The following BUB1B variants were observed in gnomAD, a reference collection of about 807,000 sequenced individuals.
The protein encoded by BUB1B is BUB1 mitotic checkpoint serine/threonine kinase B, also known as mitotic checkpoint serine/threonine-protein kinase BUB1 beta.
BUB1B carries 86 observed loss-of-function variants against 137.7 expected under a neutral mutation model. The ratio of observed to expected loss-of-function variants is 0.62; its 90% confidence interval spans 0.52 to 0.75. BUB1B has a LOEUF of 0.75. Ranked by LOEUF, BUB1B falls within the 30% of genes least tolerant of loss-of-function variation. BUB1B has a pLI of 0.00. For synonymous variants in BUB1B, 420 were observed against 417.9 expected, an observed-to-expected ratio of 1.00 and a Z score of -0.06; for missense variants, 1,130 against 1,236.9, an observed-to-expected ratio of 0.91 and a Z score of 1.30.
At chr15:40,200,616 A>G (rs192809546) in intron 11 of BUB1B, among the ~76,000 whole-genome samples, 548 of 152,324 alleles carry the variant, frequency 3.6e-3, no homozygotes, top group Non-Finnish European at 5.5e-3. Flanking sequence ...TTCTACCACT[A>G]AGAGATGATT....
intron 4 of BUB1B, among the ~76,000 whole-genome samples, chr15:40,175,353 C>T (rs1400324499): frequency 1.3e-5 from 2 of 151,946 alleles, no homozygotes; most frequent in African/African-American, 2.4e-5. Context: ...GCTATGATTG[C>T]GTCACTGCAG....
intron 12 of BUB1B, among the ~76,000 whole-genome samples, chr15:40,201,614 G>A (rs945543748): frequency 7.9e-5 from 12 of 151,998 alleles, no homozygotes; most frequent in Admixed American, 5.9e-4. Context: ...CACAGTATAC[G>A]GATCTTAACT....
In BUB1B at chr15:40,196,590, C is replaced by A; in HGVS notation, c.1104C>A (p.Thr368=). 1.2e-6 allele frequency: 2 copies of A among 1,613,842 alleles called. No homozygotes were observed. The highest frequency in any genetic ancestry group is 2.2e-5 in the South Asian group (2 of 91,066). Residue 368 remains threonine, a synonymous_variant, in exon 9 of 23, where the codon ACC becomes ACA. Transcript: ENST00000287598. ...CTAGTATAAACCACATCCTAAGCACCAGAAAGCCTGGAAAGGAAGAAGGAG... is the reference window on the plus strand; with the variant it reads ...CTAGTATAAACCACATCCTAAGCACAAGAAAGCCTGGAAAGGAAGAAGGAG... ...IEPSINHILS[T]RKPGKEEGDP...
intron 2 of BUB1B, among the ~76,000 whole-genome samples, chr15:40,168,290 C>T (rs1261331807): frequency 6.6e-6 from 1 of 151,892 alleles, no homozygotes; most frequent in Non-Finnish European, 1.5e-5. Context: ...TCACTTGAAC[C>T]TAGGAGGTGG....
rs769951989 is a variant in BUB1B at position 40,200,990 on chromosome 15, A to G, written c.1567+10A>G. On this transcript the variant is annotated intron_variant, in intron 12 of 22. Coordinates refer to ENST00000287598, the MANE Select transcript of BUB1B (RefSeq NM_001211.6). ...CAACCTCATTCTAAAGGTGAGTTGT[A>G]TTTGACAGCCTTGAGAAGAACTTGC... is the stretch of plus-strand genomic sequence containing the variant. 2 of 1,611,928 alleles carry G rather than the reference A, an allele frequency of 1.2e-6. No individual in the cohort carries two copies. The highest frequency in any genetic ancestry group is 8.5e-7 in the Non-Finnish European group (1 of 1,178,450).
At chr15:40,170,157 T>C in intron 3 of BUB1B, 36 bp downstream of exon 3, 2 of 1,573,404 alleles carry the variant, frequency 1.3e-6, no homozygotes, top group African/African-American at 1.3e-5. Context: ...AATAGAAACA[T>C]TAACAGATAA....
chr15:40,166,496 C>G (rs969485526), intron 2 of BUB1B: 2 of 295,554 alleles, frequency 6.8e-6, no homozygotes, highest in South Asian at 2.7e-5. Flanking sequence ...CCTGCCACCA[C>G]GCCCAGCTAA....
At chr15:40,165,873 G>A (rs1209957150) in intron 2 of BUB1B, among the ~76,000 whole-genome samples, 1 of 144,790 alleles carries the variant, frequency 6.9e-6, no homozygotes, top group Non-Finnish European at 1.5e-5. Context: ...TTTTTAATAT[G>A]ACAGGGTCTC....
intron 15 of BUB1B, among the ~76,000 whole-genome samples, chr15:40,208,308 C>T (rs1252187551): frequency 2.6e-5 from 4 of 152,100 alleles, no homozygotes; most frequent in Non-Finnish European, 4.4e-5. Context: ...GAGGCTGAGA[C>T]GGGTGGACCA....
rs530569397 is a variant in BUB1B at position 40,183,613 on chromosome 15, C to T, written c.582-101C>T. 1.3e-4 allele frequency: 136 copies of T among 1,040,530 alleles called. No individual in the cohort carries two copies. The African/African-American group carries it at 2.0e-3, about 15-fold the overall frequency. 64.5% of individuals were successfully genotyped at this position (1,040,530 alleles called of 1,614,324 possible). A position where few individuals can be genotyped will look rare whatever the true frequency, so the allele number is the denominator to read the frequency against. On this transcript the variant is annotated intron_variant, in intron 5 of 22. Coordinates refer to ENST00000287598, the MANE Select transcript of BUB1B (RefSeq NM_001211.6). Reference sequence around the variant, plus strand: ...TTTGGGATATTTCTGCATTCTTCCCCCAGCCTGCTCTTCTAATTTGTTTAC... The same window carrying T: ...TTTGGGATATTTCTGCATTCTTCCCTCAGCCTGCTCTTCTAATTTGTTTAC...
In BUB1B at chr15:40,165,369, AG is replaced by A. The variant is rs769854777; in HGVS notation, c.179+175del. Among the ~76,000 whole-genome samples, 130 of 152,338 alleles carry A rather than the reference AG, an allele frequency of 8.5e-4. No homozygotes were observed. In the Middle Eastern group the frequency reaches 0.017, roughly 20 times the overall value. On this transcript the variant is annotated intron_variant, in intron 2 of 22. Transcript: ENST00000287598. ...ATGACAGCTATCTGAAGATGTCCTC[AG>A]GTATAATTAAGAACAAGGGCTATAG...
At chr15:40,204,375 C>A (rs975380187) in intron 14 of BUB1B, among the ~76,000 whole-genome samples, 5 of 151,248 alleles carry the variant, frequency 3.3e-5, no homozygotes, top group Non-Finnish European at 1.5e-5. Flanking sequence ...GATTTGGATA[C>A]AGTGGTTCTA....
rs370941916 is a variant in BUB1B, at chr15:40,188,816, C to T, written c.1058+3174C>T. Among the ~76,000 whole-genome samples, 8 of 152,146 alleles carry T rather than the reference C, an allele frequency of 5.3e-5. No homozygotes were observed. The South Asian group carries it at 6.2e-4, about 12-fold the overall frequency. On this transcript the variant is annotated intron_variant, in intron 8 of 22. Coordinates refer to ENST00000287598, the MANE Select transcript of BUB1B (RefSeq NM_001211.6). Reference sequence around the variant, plus strand: ...CAGGCTGGTCTCGAACTCCTGACCTCGAGATCTGCCCGCCTTAGCCTCCCA... The same window carrying T: ...CAGGCTGGTCTCGAACTCCTGACCTTGAGATCTGCCCGCCTTAGCCTCCCA...
At chr15:40,171,540 C>G (rs2037162835) in intron 4 of BUB1B, among the ~76,000 whole-genome samples, 1 of 152,086 alleles carries the variant, frequency 6.6e-6, no homozygotes, top group South Asian at 2.1e-4. Context: ...GAGCAAGATC[C>G]TGTCTCAAAA....
At position 40,210,175 on chromosome 15, in the gene BUB1B, G is replaced by T. The variant is rs755270206; in HGVS notation, c.2350G>T (p.Ala784Ser). The T allele has an allele frequency of 1.2e-6, 2 of 1,611,826 alleles. No homozygotes were observed. ...TGAAGATTACAAGTTATTCTGGGTG[G>T]CGCCAAGAAACTCTGCAGAATTAAC... ...ICEDYKLFWV[A>S]PRNSAELTVI... The change falls in exon 18 of 23, where the codon GCG (alanine) becomes TCG (serine). Residue 784 changes from alanine to serine, a missense_variant. Transcript: ENST00000287598.
intron 9 of BUB1B, among the ~76,000 whole-genome samples, chr15:40,197,658 T>TA (rs1445182256): frequency 3.9e-5 from 6 of 152,198 alleles, no homozygotes; most frequent in Non-Finnish European, 5.9e-5. Context: ...AACCATCACT[T>TA]ATACTTTGAG....
In BUB1B at chr15:40,220,620, A is replaced by G; in HGVS notation, c.3014A>G (p.Asp1005Gly). ...TTTGTGCGGATTCTGAATGCCAATG[A>G]TGAGGCCACAGTGTCTGTTCTTGGG... is the stretch of plus-strand genomic sequence containing the variant. ...KFFVRILNAN[D>G]EATVSVLGEL... The change falls in exon 23 of 23, where the codon GAT becomes GGT. Residue 1005 changes from aspartate to glycine, a missense_variant. Asp to Gly is a moderately conservative substitution (Grantham distance 94, BLOSUM62 -1). Transcript: ENST00000287598. 2 of 1,614,230 alleles carry G rather than the reference A, an allele frequency of 1.2e-6. No individual in the cohort carries two copies. The highest frequency in any genetic ancestry group is 1.7e-6 in the Non-Finnish European group (2 of 1,180,032).
intron 14 of BUB1B, among the ~76,000 whole-genome samples, chr15:40,204,453 T>TA (rs398026940): frequency 2.7e-5 from 4 of 149,738 alleles, no homozygotes; most frequent in Non-Finnish European, 6.0e-5. Context: ...TTTTTTTTTT[T>TA]AACCAGTCTT....
At position 40,206,384 on chromosome 15, in the gene BUB1B, T is replaced by A; in HGVS notation, c.1935T>A (p.Asp645Glu). The change falls in exon 15 of 23, where the codon GAT (aspartate) becomes GAA (glutamate). Residue 645 changes from aspartate to glutamate, a missense_variant. By Grantham distance (45) the Asp-to-Glu change is conservative. Transcript: ENST00000287598. Reference protein sequence around the residue: ...PERLLPEEDLDVKTSEDQQTA... With the variant: ...PERLLPEEDLEVKTSEDQQTA... The stretch of plus-strand genomic sequence containing the variant: ...GACTGTTACCGGAAGAAGATCTAGA[T>A]GTAAAGACCTCTGAGGACCAGCAGA... 3.1e-6 allele frequency: 5 copies of A among 1,614,204 alleles called. No individual in the cohort carries two copies. The highest frequency in any genetic ancestry group is 4.2e-6 in the Non-Finnish European group (5 of 1,180,034).
Sources: gnomAD v4.1 joint callset for allele counts (sites outside exome capture counted in the v4.1 genomes callset) on GRCh38, gnomAD v4.1.1 for gene constraint, MANE v1.5 for transcripts, NCBI Gene and HGNC (gene_info 2026-07-23, HGNC 2026-07-21) for gene names.